PLCG2: variants seen among roughly 807,000 people sequenced by gnomAD.
The protein encoded by PLCG2 is phospholipase C gamma 2.
PLCG2 carries 69 observed loss-of-function variants against 175.6 expected under a neutral mutation model. The ratio of observed to expected loss-of-function variants is 0.39; its 90% CI spans 0.32 to 0.48. The LOEUF (loss-of-function observed/expected upper bound fraction) is 0.48, where lower values mean the gene tolerates loss of function less well. PLCG2 is among the 20% of genes least tolerant of loss of function. PLCG2 has a pLI of 0.91. For missense variants in PLCG2, 1,798 were observed against 1,650.9 expected, an observed-to-expected ratio of 1.09 and a Z score of -1.54; for synonymous variants, 827 against 624.0, an observed-to-expected ratio of 1.33 and a Z score of -4.85.
intron 2 of PLCG2, among the ~76,000 whole-genome samples, chr16:81,765,906 G>A (rs1031651867): frequency 2.0e-5 from 3 of 152,200 alleles, no homozygotes; most frequent in African/African-American, 4.8e-5. Flanking sequence ...GGGCCCTGGG[G>A]GCCCCCACAG....
intron 4 of PLCG2, 35 bp downstream of exon 4, chr16:81,858,391 C>T: frequency 1.4e-6 from 2 of 1,452,374 alleles, no homozygotes; most frequent in Non-Finnish European, 1.9e-6. Flanking sequence ...TGCGTAGTTG[C>T]TGATTCCTTT....
chr16:81,831,943 G>A (rs570940321), intron 2 of PLCG2, among the ~76,000 whole-genome samples: 103 of 152,278 alleles, frequency 6.8e-4, no homozygotes, highest in African/African-American at 2.4e-3. Flanking sequence ...CAAAGCGGGG[G>A]CAGGGGTGAC....
chr16:81,847,358 A>G (rs955938158), intron 2 of PLCG2, among the ~76,000 whole-genome samples: 1 of 152,158 alleles, frequency 6.6e-6, no homozygotes, highest in Non-Finnish European at 1.5e-5. Context: ...CCTAATTACA[A>G]AGGCATGATT....
At chr16:81,878,446 C>T (rs996132788) in intron 7 of PLCG2, among the ~76,000 whole-genome samples, 1 of 152,146 alleles carries the variant, frequency 6.6e-6, no homozygotes, top group Non-Finnish European at 1.5e-5. Flanking sequence ...CCCGGGGACA[C>T]CATCCTATAC....
intron 28 of PLCG2, 46 bp downstream of exon 28, chr16:81,937,949 C>A: frequency 6.3e-7 from 1 of 1,595,442 alleles, no homozygotes; most frequent in Non-Finnish European, 8.6e-7. Flanking sequence ...GCCGCCCTCC[C>A]TGGGGGCTGG....
At chr16:81,935,303 G>A (rs761235712) in intron 26 of PLCG2, among the ~76,000 whole-genome samples, 4 of 151,946 alleles carry the variant, frequency 2.6e-5, no homozygotes, top group Non-Finnish European at 5.9e-5. Flanking sequence ...AGGTCCACCT[G>A]GATATTCCAG....
At chr16:81,849,158 G>A (rs1488220201) in intron 2 of PLCG2, among the ~76,000 whole-genome samples, 6 of 152,092 alleles carry the variant, frequency 3.9e-5, no homozygotes, top group Admixed American at 6.5e-5. Context: ...GGGACGTCAC[G>A]GGAAGGCTTG....
At chr16:81,793,211 C>G (rs1911317134) in intron 2 of PLCG2, among the ~76,000 whole-genome samples, 1 of 152,118 alleles carries the variant, frequency 6.6e-6, no homozygotes, top group Admixed American at 6.5e-5. Flanking sequence ...TCCTTCCATC[C>G]CCAGCCTTCT....
intron 32 of PLCG2, 28 bp downstream of exon 32, chr16:81,956,907 C>T (rs532221098): frequency 6.3e-7 from 1 of 1,597,152 alleles, no homozygotes. Flanking sequence ...CCTGCAAAAA[C>T]TTTTGGGGGG....
intron 21 of PLCG2, among the ~76,000 whole-genome samples, chr16:81,923,247 T>C (rs12930646): frequency 2.6e-5 from 3 of 116,868 alleles, no homozygotes; most frequent in African/African-American, 6.2e-5. Flanking sequence ...CCCCTAACCC[T>C]TAACCCCAAC....
In PLCG2 at chr16:81,795,090, T is replaced by A. The variant is rs115031275; in HGVS notation, c.193+8908T>A. On this transcript the variant is annotated intron_variant, in intron 2 of 32. Transcript: ENST00000564138. ...GCAAATACTCAAAGAGGACCTGATG[T>A]GTGTTGGGCAATGTGCTTGTCACTG... 5.3e-3 allele frequency among the ~76,000 whole-genome samples: 812 copies of A among 152,344 alleles called. 4 individuals carry two copies. Among genetic ancestry groups the A allele is most frequent in the African/African-American group, 0.018 (759 of 41,578 alleles).
chr16:81,770,784 C>T (rs1910261074), intron 2 of PLCG2, among the ~76,000 whole-genome samples: 2 of 151,950 alleles, frequency 1.3e-5, no homozygotes, highest in African/African-American at 4.8e-5. Flanking sequence ...TCAGGCCGGG[C>T]GCGGTGGCTC....
intron 2 of PLCG2, among the ~76,000 whole-genome samples, chr16:81,818,883 A>ATTTTTTTTTTTTTTTTTTTTTTTTTTT (rs57346304): frequency 1.9e-5 from 2 of 106,612 alleles, no homozygotes; most frequent in African/African-American, 4.0e-5. Context: ...GGGCTCATGG[A>ATTTTTTTTTTTTTTTTTTTTTTTTTTT]TTTTTTTTTT....
intron 5 of PLCG2, among the ~76,000 whole-genome samples, chr16:81,864,739 G>C (rs1414897517): frequency 6.6e-6 from 1 of 152,166 alleles, no homozygotes; most frequent in African/African-American, 2.4e-5. Flanking sequence ...CCCAGCCTCA[G>C]CATGGCTGGT....
rs962919070 is a variant in PLCG2, at chr16:81,931,622, A to G, written c.2707A>G (p.Ile903Val). ...VEELFEWFQS[I>V]REITWKIDTK... ...GGAGCTCTTTGAGTGGTTTCAGAGC[A>G]TCCGAGAGATCACCTGGAAGATTGA... The change falls in exon 25 of 33, where the codon ATC (isoleucine) becomes GTC (valine). Residue 903 changes from isoleucine to valine, a missense_variant. Physicochemically the swap from Ile to Val is conservative, Grantham distance 29 (BLOSUM62 3). Coordinates refer to ENST00000564138, the MANE Select transcript of PLCG2 (RefSeq NM_002661.5). 2.5e-6 allele frequency: 4 copies of G among 1,613,914 alleles called. No individual in the cohort carries two copies. The highest frequency in any genetic ancestry group is 3.4e-6 in the Non-Finnish European group (4 of 1,179,956).
At chr16:81,911,989 G>C (rs537041231) in intron 18 of PLCG2, among the ~76,000 whole-genome samples, 1 of 152,072 alleles carries the variant, frequency 6.6e-6, no homozygotes, top group Non-Finnish European at 1.5e-5. Flanking sequence ...AGTAGAGACA[G>C]GGTTTCACCG....
At chr16:81,876,361 A>G (rs976855509) in intron 7 of PLCG2, among the ~76,000 whole-genome samples, 1 of 152,172 alleles carries the variant, frequency 6.6e-6, no homozygotes, top group Non-Finnish European at 1.5e-5. Context: ...TTGGCCTTCC[A>G]GAACCAAATG....
rs925940226 is a variant in PLCG2, at chr16:81,883,253, C to T, written c.693-16C>T. 1 of 1,613,178 alleles carries T rather than the reference C, an allele frequency of 6.2e-7. No individual in the cohort carries two copies. Among genetic ancestry groups the T allele is most frequent in the Non-Finnish European group, 8.5e-7 (1 of 1,179,070 alleles). On this transcript the variant is annotated splice_polypyrimidine_tract_variant and intron_variant, in intron 8 of 32. Transcript: ENST00000564138. ...ATGTGTCTGTCTCTAACTGCACCCC[C>T]TTTCCCCGAGGATAGGAACACTGAC... is the stretch of plus-strand genomic sequence containing the variant.
intron 2 of PLCG2, among the ~76,000 whole-genome samples, chr16:81,758,312 T>C (rs1000790274): frequency 3.3e-5 from 5 of 152,218 alleles, no homozygotes; most frequent in African/African-American, 1.2e-4. Flanking sequence ...TTTATTCATT[T>C]TGTAGCGTGG....
Sources: gnomAD v4.1 joint callset for allele counts (sites outside exome capture counted in the v4.1 genomes callset) on GRCh38, gnomAD v4.1.1 for gene constraint, MANE v1.5 for transcripts, NCBI Gene and HGNC (gene_info 2026-07-23, HGNC 2026-07-21) for gene names.